The following CTBP2 variants were observed in gnomAD, a reference collection of about 807,000 sequenced individuals.
The protein encoded by CTBP2 is C-terminal-binding protein 2.
In CTBP2, 30 loss-of-function variants were observed where a neutral mutation model predicts 80.3. That is an observed-to-expected ratio of 0.37 (90% CI 0.28 to 0.51). The LOEUF (loss-of-function observed/expected upper bound fraction) is 0.51, where lower values mean the gene tolerates loss of function less well. CTBP2 is among the 20% of genes least tolerant of loss of function. CTBP2 has a pLI of 0.93. For synonymous variants in CTBP2, 594 were observed against 587.4 expected, an observed-to-expected ratio of 1.01 and a Z score of -0.16; for missense variants, 1,212 against 1,375.3, an observed-to-expected ratio of 0.88 and a Z score of 1.88.
chr10:124,992,132 A>G (rs1952727158), intron 8 of CTBP2, among the ~76,000 whole-genome samples: 1 of 151,844 alleles, frequency 6.6e-6, no homozygotes, highest in African/African-American at 2.4e-5. Flanking sequence ...CATAAGATTC[A>G]AATTGGAAAA....
At chr10:125,019,137 G>A (rs781109678) in intron 1 of CTBP2, among the ~76,000 whole-genome samples, 9 of 152,144 alleles carry the variant, frequency 5.9e-5, no homozygotes. Flanking sequence ...TCCCACTGGA[G>A]GGGGCAAGAA....
intron 1 of CTBP2, among the ~76,000 whole-genome samples, chr10:125,134,726 C>T (rs1024348566): frequency 2.0e-5 from 3 of 152,058 alleles, no homozygotes; most frequent in Admixed American, 2.0e-4. Context: ...CACCCTGGGC[C>T]ACCTCTGCGG....
intron 2 of CTBP2, among the ~76,000 whole-genome samples, chr10:125,043,471 C>G (rs1429257786): frequency 1.3e-5 from 2 of 152,088 alleles, no homozygotes; most frequent in African/African-American, 4.8e-5. Context: ...GAGTCTTGCT[C>G]TGTCGCCCAG....
At chr10:125,145,101 G>A (rs971942766) in intron 1 of CTBP2, among the ~76,000 whole-genome samples, 2 of 152,190 alleles carry the variant, frequency 1.3e-5, no homozygotes, top group African/African-American at 4.8e-5. Context: ...GGTTATTTGA[G>A]TTATATAAAA....
chr10:125,047,446 C>T (rs1352775844), intron 2 of CTBP2, among the ~76,000 whole-genome samples: 1 of 152,144 alleles, frequency 6.6e-6, no homozygotes, highest in Non-Finnish European at 1.5e-5. Flanking sequence ...ATGTTTATAT[C>T]TGAACGTCAT....
At chr10:125,157,618 T>G (rs1234109869) in intron 1 of CTBP2, among the ~76,000 whole-genome samples, 2 of 145,990 alleles carry the variant, frequency 1.4e-5, no homozygotes, top group African/African-American at 5.1e-5. Flanking sequence ...CCTTCAACCC[T>G]CTCTCCCTTT....
Position 125,026,864 on chromosome 10 carries a change from G to A in CTBP2, c.896C>T (p.Ala299Val), listed in dbSNP as rs201243601. The change falls in exon 1 of 9, where the codon GCG (alanine) becomes GTG (valine). Residue 299 changes from alanine (A) to valine (V), a missense_variant. This residue lies in a region of CTBP2 where 848 missense variants were observed against 782.3 expected (regional missense o/e 1.08). Coordinates refer to ENST00000309035, the MANE Select transcript of CTBP2 (RefSeq NM_022802.3). ...CAGCGTGGCCTCTGCCAGCCCCTCC[G>A]CCCGCAGAAAGGCCAGGAACTCAGG... The A allele has an allele frequency of 4.6e-4, 741 of 1,613,786 alleles. 2 individuals are homozygous for A. Among genetic ancestry groups the A allele is most frequent in the South Asian group, 5.4e-4 (49 of 91,084 alleles).
chr10:125,026,229 C>T lies in CTBP2; in HGVS notation c.1531G>A (p.Val511Ile). The change falls in exon 1 of 9, where the codon GTC becomes ATC. Residue 511 changes from valine to isoleucine, a missense_variant. Transcript: ENST00000309035. ...AGGGGTGCACCTGGCTTCCGCAAGA[C>T]CTGGGGGCTGCCGTGAGGGCTGGGC... 1 of 1,613,690 alleles carries T rather than the reference C, an allele frequency of 6.2e-7. No individual in the cohort carries two copies. Among genetic ancestry groups the T allele is most frequent in the Non-Finnish European group, 8.5e-7 (1 of 1,179,926 alleles).
Position 125,002,855 on chromosome 10 carries a change from G to A in CTBP2, c.1978+105C>T, listed in dbSNP as rs576563080. On this transcript the variant is annotated intron_variant, in intron 3 of 8. Coordinates refer to ENST00000309035, the MANE Select transcript of CTBP2 (RefSeq NM_022802.3). ...GGCAGCCACCTTGCTACAGCCAGAAGCGGCTGCTCCGTGGTCCCAGTTCCA... is the reference window on the plus strand; with the variant it reads ...GGCAGCCACCTTGCTACAGCCAGAAACGGCTGCTCCGTGGTCCCAGTTCCA... 15 of 1,414,890 alleles carry A rather than the reference G, an allele frequency of 1.1e-5. No homozygotes were observed. The South Asian group carries it at 1.7e-4, about 16-fold the overall frequency. 87.6% of individuals were successfully genotyped at this position (1,414,890 alleles called of 1,614,324 possible). A position where few individuals can be genotyped will look rare whatever the true frequency, so the allele number is the denominator to read the frequency against.
At chr10:125,100,507 A>G (rs535174779) in intron 2 of CTBP2, 2 of 152,334 alleles carry the variant, frequency 1.3e-5, no homozygotes, top group East Asian at 3.9e-4. Flanking sequence ...TACACAAATC[A>G]AAGGAACAAA....
rs186468603 is a variant in CTBP2, at chr10:125,093,586, C to T, written c.-102+17404G>A. Among the ~76,000 whole-genome samples, 204 of 152,364 alleles carry T rather than the reference C, an allele frequency of 1.3e-3. 1 individual carries two copies. The highest frequency in any genetic ancestry group is 4.5e-3 in the African/African-American group (187 of 41,586). On this transcript the variant is annotated intron_variant, in intron 2 of 10. Coordinates refer to the CTBP2 transcript ENST00000337195. ...ATTTATAAATGGCCTTCCTGCCCAT[C>T]ACCCAGGCTGCCCCACCCCCTCCCT...
chr10:125,082,488 G>C lies in CTBP2; in HGVS notation c.-102+28502C>G, dbSNP rs192784152. ...AGATTTAATAGGCCTCTTGCCTCAGGTATCATTTCCAGCTAATTTTTACTC... is the reference window on the plus strand; with the variant it reads ...AGATTTAATAGGCCTCTTGCCTCAGCTATCATTTCCAGCTAATTTTTACTC... On this transcript the variant is annotated intron_variant, in intron 2 of 10. Transcript: ENST00000337195. 6.7e-3 allele frequency among the ~76,000 whole-genome samples: 1,018 copies of C among 151,996 alleles called. 4 individuals are homozygous for C. The highest frequency in any genetic ancestry group is 0.017 in the Middle Eastern group (5 of 286).
chr10:125,100,016 G>A (rs1414957640), intron 2 of CTBP2, among the ~76,000 whole-genome samples: 1 of 152,226 alleles, frequency 6.6e-6, no homozygotes, highest in African/African-American at 2.4e-5. Flanking sequence ...GTCTCATCTA[G>A]ATCACACATA....
rs983681098 is a variant in CTBP2, at chr10:124,988,931, C to A, written c.*587G>T. Reference sequence around the variant, plus strand: ...CAGAGGGTTTTACTGAACTTACAACCGACTTGCCCGCTCAGTATGCAGTTC... The same window carrying A: ...CAGAGGGTTTTACTGAACTTACAACAGACTTGCCCGCTCAGTATGCAGTTC... On this transcript the variant is annotated 3_prime_UTR_variant, in exon 9 of 9. Transcript: ENST00000309035. 2 of 151,786 alleles carry A rather than the reference C, an allele frequency of 1.3e-5. No homozygotes were observed. Among genetic ancestry groups the A allele is most frequent in the African/African-American group, 2.4e-5 (1 of 41,174 alleles). 9.4% of individuals were successfully genotyped at this position (151,786 alleles called of 1,614,324 possible).
At chr10:125,130,080 T>C (rs1450692399) in intron 1 of CTBP2, among the ~76,000 whole-genome samples, 1 of 150,018 alleles carries the variant, frequency 6.7e-6, no homozygotes, top group East Asian at 2.0e-4. Context: ...AGAGTTTCAC[T>C]CTTGTTGCCC....
chr10:125,097,245 G>A (rs1475605135), intron 2 of CTBP2, among the ~76,000 whole-genome samples: 2 of 152,142 alleles, frequency 1.3e-5, no homozygotes, highest in Non-Finnish European at 2.9e-5. Flanking sequence ...ATTTCCCCTC[G>A]CTGGGGTATA....
Position 124,989,527 on chromosome 10 carries a change from G to C in CTBP2, c.2949C>G (p.Asn983Lys), listed in dbSNP as rs372168977. 4 of 1,612,568 alleles carry C rather than the reference G, an allele frequency of 2.5e-6. No individual in the cohort carries two copies. The highest frequency in any genetic ancestry group is 2.7e-5 in the African/African-American group (2 of 74,836). Residue 983 changes from asparagine (N) to lysine (K), a missense_variant, in exon 9 of 9, where the codon AAC (asparagine) becomes AAG (lysine). Physicochemically the swap from Asn to Lys is moderately conservative, Grantham distance 94 (BLOSUM62 0). Transcript: ENST00000309035. Reference sequence around the variant, plus strand: ...CTTCTGGCATTCTCTGCTATTGCTCGTTGGGGTGCTCTCGATTGTCCCCGT... The same window carrying C: ...CTTCTGGCATTCTCTGCTATTGCTCCTTGGGGTGCTCTCGATTGTCCCCGT...
At chr10:125,003,153 C>A in intron 2 of CTBP2, 49 bp from the exon 5 acceptor site, 1 of 1,610,404 alleles carries the variant, frequency 6.2e-7, no homozygotes, top group Non-Finnish European at 8.5e-7. Flanking sequence ...GTGCAGCCCA[C>A]CGGCACCACT....
chr10:124,997,580 A>G (rs1407713834), intron 4 of CTBP2: 1 of 258,368 alleles, frequency 3.9e-6, no homozygotes, highest in Non-Finnish European at 7.5e-6. Flanking sequence ...ACTGAACCCT[A>G]CGCCAGCCCC....
Sources: allele counts gnomAD v4.1 joint callset (sites outside exome capture counted in the v4.1 genomes callset), GRCh38; gene constraint gnomAD v4.1.1; regional missense constraint gnomAD v4.1.1; transcripts MANE v1.5; gene names NCBI Gene and HGNC (gene_info 2026-07-23, HGNC 2026-07-21).